ARHGEF4: variants seen among roughly 807,000 people sequenced by gnomAD.
ARHGEF4 encodes the protein APC-stimulated guanine nucleotide exchange factor 1.
ARHGEF4 carries 119 observed loss-of-function variants against 162.0 expected under a neutral mutation model. The ratio of observed to expected loss-of-function variants is 0.73; its 90% CI spans 0.63 to 0.86. The LOEUF is 0.86. Among genes scored for constraint, ARHGEF4 ranks in the 40% least tolerant of loss-of-function variants. The pLI is 0.00. For missense variants in ARHGEF4, 2,488 were observed against 2,456.0 expected (o/e 1.01, Z -0.28); for synonymous variants, 1,014 against 979.9 (o/e 1.03, Z -0.65).
chr2:130,922,091 CG>C (rs1681907010), intron 2 of ARHGEF4, among the ~76,000 whole-genome samples: 2 of 151,552 alleles, frequency 1.3e-5, no homozygotes, highest in South Asian at 4.2e-4. Context: ...TTATTCAGGC[CG>C]GGCGCAGTGG....
chr2:130,875,151 C>A (rs1678742017), intron 1 of ARHGEF4, among the ~76,000 whole-genome samples: 2 of 152,152 alleles, frequency 1.3e-5, no homozygotes, highest in South Asian at 4.1e-4. Flanking sequence ...CTCTCATGAG[C>A]TCTATTTCTT....
chr2:131,000,127 C>CT (rs1687673185), intron 4 of ARHGEF4, among the ~76,000 whole-genome samples: 2 of 152,268 alleles, frequency 1.3e-5, no homozygotes, highest in African/African-American at 2.4e-5. Context: ...GAAGAAAGTT[C>CT]TTTTTTGCTA....
At chr2:130,963,032 A>C (rs1048536899) in intron 4 of ARHGEF4, among the ~76,000 whole-genome samples, 8 of 152,138 alleles carry the variant, frequency 5.3e-5, no homozygotes, top group African/African-American at 1.9e-4. Context: ...GGGCAGATGA[A>C]ATAGTAATGC....
At chr2:130,847,092 G>A (rs754669287) in intron 1 of ARHGEF4, among the ~76,000 whole-genome samples, 4 of 152,120 alleles carry the variant, frequency 2.6e-5, no homozygotes, top group South Asian at 2.1e-4. Flanking sequence ...GATTCCTGAC[G>A]CACTGGGTCC....
intron 1 of ARHGEF4, among the ~76,000 whole-genome samples, chr2:130,877,607 A>T (rs943672405): frequency 1.3e-5 from 2 of 152,120 alleles, no homozygotes; most frequent in Non-Finnish European, 2.9e-5. Context: ...CTATGATGGC[A>T]CCACTGCAAT....
intron 4 of ARHGEF4, among the ~76,000 whole-genome samples, chr2:131,007,656 C>G (rs1277239258): frequency 6.6e-6 from 1 of 151,730 alleles, no homozygotes; most frequent in African/African-American, 2.4e-5. Flanking sequence ...ATATCTATGC[C>G]TTTTCATTGT....
intron 3 of ARHGEF4, among the ~76,000 whole-genome samples, chr2:130,940,087 C>T (rs1427176422): frequency 6.6e-6 from 1 of 152,060 alleles, no homozygotes; most frequent in Non-Finnish European, 1.5e-5. Context: ...TATTTCTTTT[C>T]TTCCAGCCTC....
At chr2:130,968,325 T>A (rs894582653) in intron 4 of ARHGEF4, among the ~76,000 whole-genome samples, 2 of 152,142 alleles carry the variant, frequency 1.3e-5, no homozygotes, top group African/African-American at 4.8e-5. Context: ...CAACCTATAA[T>A]GTGGGGCAGG....
intron 4 of ARHGEF4, among the ~76,000 whole-genome samples, chr2:130,980,631 G>A (rs990765823): frequency 1.3e-5 from 2 of 152,150 alleles, no homozygotes; most frequent in African/African-American, 4.8e-5. Context: ...TTGGTTTCTA[G>A]ATACAGTACT....
At chr2:130,889,442 C>G (rs563862145) in intron 1 of ARHGEF4, among the ~76,000 whole-genome samples, 1 of 152,140 alleles carries the variant, frequency 6.6e-6, no homozygotes, top group Non-Finnish European at 1.5e-5. Flanking sequence ...TGCTCTCCTT[C>G]TGTCTGAAAT....
intron 1 of ARHGEF4, among the ~76,000 whole-genome samples, chr2:130,880,583 G>T (rs139167539): frequency 2.0e-5 from 3 of 152,326 alleles, no homozygotes; most frequent in Non-Finnish European, 2.9e-5. Context: ...CACAGAGGCT[G>T]CAGTGCAGTG....
chr2:130,939,210 C>T (rs1683136378), intron 3 of ARHGEF4, among the ~76,000 whole-genome samples: 1 of 152,188 alleles, frequency 6.6e-6, no homozygotes. Flanking sequence ...CCAGTTGCAA[C>T]CATGTTGCTG....
chr2:130,988,887 TATATATATATATATAG>T (rs1242403998), intron 4 of ARHGEF4, among the ~76,000 whole-genome samples: 24 of 113,084 alleles, frequency 2.1e-4, no homozygotes, highest in African/African-American at 6.4e-4. Flanking sequence ...TATATATATA[TATATATATATATATAG>T]AGAGAGAGAG....
rs145657047 is a variant in ARHGEF4, at chr2:130,931,559, C to T, written c.3858+302C>T. Among the ~76,000 whole-genome samples the T allele has an allele frequency of 1.9e-3, 286 of 152,342 alleles. 3 individuals are homozygous for T. The highest frequency in any genetic ancestry group is 6.6e-3 in the African/African-American group (273 of 41,578). On this transcript the variant is annotated intron_variant, in intron 3 of 13. Transcript: ENST00000409359. ...CAAGGTAGTAGTGCAGAGAAGACTGCCATTTAATGAGTGCCTGCTGTGTGC... is the reference window on the plus strand; with the variant it reads ...CAAGGTAGTAGTGCAGAGAAGACTGTCATTTAATGAGTGCCTGCTGTGTGC...
At chr2:131,015,015 C>T (rs1299348646) in intron 4 of ARHGEF4, among the ~76,000 whole-genome samples, 1 of 152,060 alleles carries the variant, frequency 6.6e-6, no homozygotes, top group Admixed American at 6.5e-5. Flanking sequence ...GTGTGAGCTG[C>T]GGGGCCTAGA....
Position 130,914,056 on chromosome 2 carries a change from C to T in ARHGEF4, c.110C>T (p.Ala37Val). ...IEDNQLPTSP[A>V]EQVEQGWNQQ... Reference sequence around the variant, plus strand: ...GATAACCAGCTCCCCACATCCCCTGCAGAACAAGTGGAGCAGGGATGGAAC... The same window carrying T: ...GATAACCAGCTCCCCACATCCCCTGTAGAACAAGTGGAGCAGGGATGGAAC... Residue 37 changes from alanine to valine, a missense_variant, in exon 2 of 14, where the codon GCA (alanine) becomes GTA (valine). By Grantham distance (64) the Ala-to-Val change is moderately conservative. This residue lies in a region of ARHGEF4 where 171 missense variants were observed against 169.4 expected (regional missense o/e 1.01). Transcript: ENST00000409359. 1.3e-6 allele frequency: 2 copies of T among 1,536,154 alleles called. No homozygotes were observed. The highest frequency in any genetic ancestry group is 1.7e-6 in the Non-Finnish European group (2 of 1,146,916).
intron 1 of ARHGEF4, among the ~76,000 whole-genome samples, chr2:130,913,656 G>A (rs1006551474): frequency 3.3e-5 from 5 of 152,172 alleles, no homozygotes; most frequent in East Asian, 3.8e-4. Context: ...TGCTGAAAAC[G>A]TTAGGCAGAG....
chr2:131,014,005 A>G (rs1243461880), intron 4 of ARHGEF4, among the ~76,000 whole-genome samples: 1 of 152,242 alleles, frequency 6.6e-6, no homozygotes, highest in Non-Finnish European at 1.5e-5. Context: ...TAATCATGAC[A>G]TGATTTATTT....
At chr2:130,908,644 C>CG (rs1559032293) in intron 1 of ARHGEF4, among the ~76,000 whole-genome samples, 1 of 152,020 alleles carries the variant, frequency 6.6e-6, no homozygotes, top group East Asian at 1.9e-4. Context: ...CCATTGCACT[C>CG]CAGCCCAGGC....
Sources: gnomAD v4.1 joint callset for allele counts (sites outside exome capture counted in the v4.1 genomes callset) on GRCh38, gnomAD v4.1.1 for gene constraint, gnomAD v4.1.1 regional missense constraint, MANE v1.5 for transcripts, NCBI Gene and HGNC (gene_info 2026-07-23, HGNC 2026-07-21) for gene names.